The following MUC5B variants were observed in gnomAD, a reference collection of about 807,000 sequenced individuals.
The protein encoded by MUC5B is mucin 5B, oligomeric mucus/gel-forming.
A neutral mutation model predicts 376.9 loss-of-function variants in MUC5B; 116 were observed. That is an observed-to-expected ratio of 0.31 (90% confidence interval 0.26 to 0.36). The LOEUF (loss-of-function observed/expected upper bound fraction) is 0.36. Ranked by LOEUF, MUC5B falls within the 10% of genes least tolerant of loss-of-function variation. The pLI is 1.00. For missense variants in MUC5B, 7,165 were observed against 7,769.9 expected, an observed-to-expected ratio of 0.92 and a Z score of 2.93; for synonymous variants, 3,517 against 3,390.9, an observed-to-expected ratio of 1.04 and a Z score of -1.29.
At position 1,258,454 on chromosome 11, in the gene MUC5B, T is replaced by G; in HGVS notation, c.16593+87T>G. 1 of 1,492,558 alleles carries G rather than the reference T, an allele frequency of 6.7e-7. No homozygotes were observed. The allele number at this position is 1,492,558 out of a possible 1,614,324, so 92.5% of individuals were successfully genotyped here. A position where few individuals can be genotyped will look rare whatever the true frequency, so the allele number is the denominator to read the frequency against. On this transcript the variant is annotated intron_variant, in intron 43 of 48. Coordinates refer to ENST00000529681, the MANE Select transcript of MUC5B (RefSeq NM_002458.3). The surrounding 1 kb of genome is among the most constrained non-coding windows in gnomAD (Gnocchi z 5.5). ...GGGGCTCTCTGAGCCCCACTCCTTG[T>G]CTTGACATTCCTGCCCTGAGGGCCG...
At chr11:1,225,503 G>T (rs1861858718) in intron 1 of MUC5B, among the ~76,000 whole-genome samples, 178 bp from the exon 2 acceptor site, 1 of 152,232 alleles carries the variant, frequency 6.6e-6, no homozygotes, top group Non-Finnish European at 1.5e-5. Flanking sequence ...GAGCGGCTGG[G>T]GAGGAGTCCC....
Position 1,241,302 on chromosome 11 carries a change from C to T in MUC5B, c.4422C>T (p.Ile1474=), listed in dbSNP as rs768565245. Residue 1474 remains isoleucine, a synonymous_variant, in exon 31 of 49, where the codon ATC becomes ATT. Transcript: ENST00000529681. ...EKTTLWVTPS[I]RSTAALTSQT... Reference sequence around the variant, plus strand: ...CCACCCTATGGGTGACCCCGAGCATCCGGTCGACGGCGGCCCTCACCTCGC... The same window carrying T: ...CCACCCTATGGGTGACCCCGAGCATTCGGTCGACGGCGGCCCTCACCTCGC... 6.2e-7 allele frequency: 1 copy of T among 1,603,716 alleles called. No homozygotes were observed.
In MUC5B at chr11:1,246,124, G is replaced by A. The variant is rs763671764; in HGVS notation, c.9244G>A (p.Glu3082Lys). 27 of 1,612,450 alleles carry A rather than the reference G, an allele frequency of 1.7e-5. 1 individual carries two copies. The highest frequency in any genetic ancestry group is 2.3e-5 in the Non-Finnish European group (27 of 1,179,390). Residue 3082 changes from glutamate (E) to lysine (K), a missense_variant, in exon 31 of 49, where the codon GAA (glutamate) becomes AAA (lysine). Transcript: ENST00000529681. ...CCTTGGGACCACCGGGACCCTCCCA[G>A]AACAGACCACCACACCCATGGCCAC... is the stretch of plus-strand genomic sequence containing the variant. ...FTLGTTGTLP[E>K]QTTTPMATMS...
intron 1 of MUC5B, chr11:1,223,497 G>A (rs1861805450): frequency 2.1e-6 from 1 of 480,842 alleles, no homozygotes; most frequent in African/African-American, 2.0e-5. Context: ...GGACAGGAGT[G>A]GGCAATGGGG....
Position 1,242,461 on chromosome 11 carries a change from G to A in MUC5B, c.5581G>A (p.Asp1861Asn), listed in dbSNP as rs772246269. The A allele has an allele frequency of 1.1e-5, 17 of 1,613,782 alleles. No homozygotes were observed. In the East Asian group the frequency reaches 2.0e-4, roughly 19 times the overall value. ...GACGGGGCTGACCTGCAAGAACGAA[G>A]ACCAGACAGGCAGGTTCAACATGTG... is the stretch of plus-strand genomic sequence containing the variant. Reference protein sequence around the residue: ...LETGLTCKNEDQTGRFNMCFN... With the variant: ...LETGLTCKNENQTGRFNMCFN... Residue 1861 changes from aspartate (D) to asparagine (N), a missense_variant, in exon 31 of 49, where the codon GAC becomes AAC. By Grantham distance (23) the Asp-to-Asn change is conservative. Around this residue, in one of 31 missense-constraint regions of MUC5B, gnomAD observed 897 missense variants for 779.6 expected, o/e 1.15. Coordinates refer to ENST00000529681, the MANE Select transcript of MUC5B (RefSeq NM_002458.3).
Position 1,233,783 on chromosome 11 carries a change from T to C in MUC5B, c.2322-10T>C. Reference sequence around the variant, plus strand: ...CCGCAGATCCAGGCTGTGCCGTCTGTCTCTTGTAGTTCATGTACGGGTGGG... The same window carrying C: ...CCGCAGATCCAGGCTGTGCCGTCTGCCTCTTGTAGTTCATGTACGGGTGGG... On this transcript the variant is annotated splice_polypyrimidine_tract_variant and intron_variant, in intron 18 of 48. Coordinates refer to ENST00000529681, the MANE Select transcript of MUC5B (RefSeq NM_002458.3). 1 of 1,602,208 alleles carries C rather than the reference T, an allele frequency of 6.2e-7. No homozygotes were observed. Among genetic ancestry groups the C allele is most frequent in the Admixed American group, 1.7e-5 (1 of 58,678 alleles).
intron 22 of MUC5B, 37 bp from the exon 23 acceptor site, chr11:1,235,266 C>T (rs757005745): frequency 1.6e-5 from 26 of 1,610,676 alleles, no homozygotes; most frequent in South Asian, 6.6e-5. Context: ...GGGCACACTC[C>T]AGCCCGCGGC....
rs1862845139 is a variant in MUC5B, at chr11:1,256,671, G to A, written c.16137G>A (p.Arg5379=). The change falls in exon 39 of 49, where the codon AGG becomes AGA. Residue 5379 remains arginine, a splice_region_variant and synonymous_variant. Transcript: ENST00000529681. ...CAGGGCCTCTCTTGTCATCCTGCAG[G>A]AACCAGAGCCCACAGCTGGAGGGGA... ...GPIQPATCNS[R]NQSPQLEGMA... is the part of the protein sequence containing the mutation. 6.4e-7 allele frequency: 1 copy of A among 1,560,588 alleles called. No individual in the cohort carries two copies. The highest frequency in any genetic ancestry group is 1.2e-5 in the South Asian group (1 of 84,148).
chr11:1,226,898 G>A (rs755026662), intron 4 of MUC5B, 22 bp downstream of exon 4: 13 of 1,602,012 alleles, frequency 8.1e-6, no homozygotes, highest in Admixed American at 1.7e-5. Flanking sequence ...ACCCTGGGGA[G>A]GGGCGAGGGC....
Position 1,260,335 on chromosome 11 carries a change from C to T in MUC5B, c.16924-16C>T. On this transcript the variant is annotated splice_polypyrimidine_tract_variant and intron_variant, in intron 46 of 48. Transcript: ENST00000529681. Reference sequence around the variant, plus strand: ...CCCCGCCCACAGCCCTGCCCCCTGTCTTTGGCCCCCACCAGGGGAGCCTCA... The same window carrying T: ...CCCCGCCCACAGCCCTGCCCCCTGTTTTTGGCCCCCACCAGGGGAGCCTCA... 5 of 1,612,154 alleles carry T rather than the reference C, an allele frequency of 3.1e-6. No homozygotes were observed. Among genetic ancestry groups the T allele is most frequent in the Non-Finnish European group, 4.2e-6 (5 of 1,179,538 alleles).
At position 1,260,368 on chromosome 11, in the gene MUC5B, C is replaced by A; in HGVS notation, c.16941C>A (p.Thr5647=). Residue 5647 remains threonine (T), a synonymous_variant, in exon 47 of 49, where the codon ACC becomes ACA. Coordinates refer to ENST00000529681, the MANE Select transcript of MUC5B (RefSeq NM_002458.3). Reference sequence around the variant, plus strand: ...CCCACCAGGGGAGCCTCAGGAAAACCGGCTGCTGCTACTCCTGTGAGGAGG... The same window carrying A: ...CCCACCAGGGGAGCCTCAGGAAAACAGGCTGCTGCTACTCCTGTGAGGAGG... ...VSSCRGSLRK[T]GCCYSCEEDS... The A allele has an allele frequency of 6.2e-7, 1 of 1,612,524 alleles. No individual in the cohort carries two copies. The highest frequency in any genetic ancestry group is 1.1e-5 in the South Asian group (1 of 91,088).
In MUC5B at chr11:1,236,415, C is replaced by T. The variant is rs374061572; in HGVS notation, c.2910C>T (p.Thr970=). The T allele has an allele frequency of 1.2e-6, 2 of 1,612,338 alleles. No individual in the cohort carries two copies. Among genetic ancestry groups the T allele is most frequent in the South Asian group, 2.2e-5 (2 of 91,046 alleles). The change falls in exon 24 of 49, where the codon ACC becomes ACT. Residue 970 remains threonine, a synonymous_variant. Transcript: ENST00000529681. ...ACGAGCTGATCCTCCAAGAGGGGAC[C>T]TTTAAGGCGGTGGCGAGAGGGCCGG... ...ESYELILQEG[T]FKAVARGPGG... is the part of the protein sequence containing the mutation.
intron 12 of MUC5B, 69 bp downstream of exon 12, chr11:1,230,669 C>T (rs2735707): frequency 0.029 from 40,600 of 1,387,004 alleles, 758 homozygotes; most frequent in Non-Finnish European, 0.033. Context: ...GGAGCAAGCA[C>T]GGTCAGGTCC....
At position 1,228,691 on chromosome 11, in the gene MUC5B, C is replaced by G; in HGVS notation, c.902C>G (p.Thr301Ser). The G allele has an allele frequency of 6.5e-7, 1 of 1,534,570 alleles. No individual in the cohort carries two copies. The highest frequency in any genetic ancestry group is 1.2e-5 in the South Asian group (1 of 83,874). The stretch of plus-strand genomic sequence containing the variant: ...CGCTGCCCCACCTGCCCGTGTGCCA[C>G]CTTTGTGGAATACTCACGCCAGTGC... ...LCRCPTCPCA[T>S]FVEYSRQCAH... is the part of the protein sequence containing the mutation. The change falls in exon 8 of 49, where the codon ACC (threonine) becomes AGC (serine). Residue 301 changes from threonine to serine, a missense_variant. This residue lies in a region of MUC5B where 640 missense variants were observed against 733.0 expected (regional missense o/e 0.87). Coordinates refer to ENST00000529681, the MANE Select transcript of MUC5B (RefSeq NM_002458.3).
At chr11:1,226,340 C>T (rs1238925915) in intron 3 of MUC5B, 64 bp downstream of exon 3, 1 of 1,525,026 alleles carries the variant, frequency 6.6e-7, no homozygotes, top group South Asian at 1.2e-5. Flanking sequence ...GGTGGGGGCC[C>T]AGATCTAGGG....
At position 1,241,102 on chromosome 11, in the gene MUC5B, G is replaced by A. The variant is rs373767452; in HGVS notation, c.4222G>A (p.Ala1408Thr). The A allele has an allele frequency of 5.0e-5, 81 of 1,611,488 alleles. No individual in the cohort carries two copies. The highest frequency in any genetic ancestry group is 2.9e-4 in the African/African-American group (22 of 74,902). The change falls in exon 31 of 49, where the codon GCC (alanine) becomes ACC (threonine). Residue 1408 changes from alanine (A) to threonine (T), a missense_variant. Ala to Thr is a moderately conservative substitution (Grantham distance 58). This residue lies in a region of MUC5B where 517 missense variants were observed against 545.3 expected (regional missense o/e 0.95). Coordinates refer to ENST00000529681, the MANE Select transcript of MUC5B (RefSeq NM_002458.3). Reference protein sequence around the residue: ...DCDRMRGLMCANSQQSPPLCH... With the variant: ...DCDRMRGLMCTNSQQSPPLCH... Reference sequence around the variant, plus strand: ...TGACCGCATGCGGGGGCTGATGTGCGCCAACAGCCAACAGAGTCCCCCGCT... The same window carrying A: ...TGACCGCATGCGGGGGCTGATGTGCACCAACAGCCAACAGAGTCCCCCGCT...
chr11:1,257,853 A>G lies in MUC5B; in HGVS notation c.16450+143A>G. The stretch of plus-strand genomic sequence containing the variant: ...TGACCGCGGCAGGACCACTCGGCAG[A>G]GATGGCCTCCAGGTGCTTCATTCTC... On this transcript the variant is annotated intron_variant, in intron 41 of 48. Transcript: ENST00000529681. This position sits in a 1 kb window ranked among gnomAD's most constrained non-coding sequence, Gnocchi z 8.9. The G allele has an allele frequency of 9.3e-7, 1 of 1,077,420 alleles. No individual in the cohort carries two copies. The highest frequency in any genetic ancestry group is 1.3e-6 in the Non-Finnish European group (1 of 768,398). 66.7% of individuals were successfully genotyped at this position (1,077,420 alleles called of 1,614,324 possible). A position where few individuals can be genotyped will look rare whatever the true frequency, so the allele number is the denominator to read the frequency against.
chr11:1,261,273 G>A, intron 48 of MUC5B, 116 bp from the exon 49 acceptor site: 1 of 887,040 alleles, frequency 1.1e-6, no homozygotes, highest in Non-Finnish European at 1.7e-6. Flanking sequence ...AGGCCACTGT[G>A]GACAGAAGGG....
intron 29 of MUC5B, 25 bp from the exon 30 acceptor site, chr11:1,240,153 G>T: frequency 6.3e-7 from 1 of 1,581,146 alleles, no homozygotes; most frequent in Non-Finnish European, 8.6e-7. Context: ...GAGGCCCTGG[G>T]TGACTCTGCC....
Sources: gnomAD v4.1 joint callset for allele counts (sites outside exome capture counted in the v4.1 genomes callset) on GRCh38, gnomAD v4.1.1 for gene constraint, gnomAD v4.1.1 regional missense constraint, Gnocchi (gnomAD v3.1) non-coding constraint, MANE v1.5 for transcripts, NCBI Gene and HGNC (gene_info 2026-07-23, HGNC 2026-07-21) for gene names.